Variants in CSMD1 observed in about 807,000 individuals in gnomAD.
CSMD1 encodes CUB and sushi domain-containing protein 1.
CSMD1 carries 213 observed loss-of-function variants against 417.5 expected under a neutral mutation model. The observed-to-expected ratio is 0.51, with a 90% CI of 0.46 to 0.57. The LOEUF (loss-of-function observed/expected upper bound fraction) is 0.57, where lower values mean the gene tolerates loss of function less well. CSMD1 is among the 20% of genes least tolerant of loss of function. The probability of loss-of-function intolerance (pLI) is 0.00; values close to 1 mark genes in which losing one functional copy is unlikely to be tolerated. For synonymous variants in CSMD1, 2,862 were observed against 1,736.8 expected (o/e 1.65, Z -16.11); for missense variants, 6,923 against 4,529.7 (o/e 1.53, Z -15.17).
chr8:3,701,870 C>G (rs889272754), intron 7 of CSMD1, among the ~76,000 whole-genome samples: 2 of 152,120 alleles, frequency 1.3e-5, no homozygotes, highest in African/African-American at 4.8e-5. Context: ...GAGATGGAAC[C>G]ACTGTGTGTC....
intron 2 of CSMD1, among the ~76,000 whole-genome samples, chr8:4,629,997 C>T (rs1802410027): frequency 6.6e-6 from 1 of 152,034 alleles, no homozygotes; most frequent in South Asian, 2.1e-4. Context: ...TTACAAATGC[C>T]TAAAATACTT....
At chr8:4,724,123 C>G (rs1045629555) in intron 1 of CSMD1, among the ~76,000 whole-genome samples, 2 of 152,136 alleles carry the variant, frequency 1.3e-5, no homozygotes, top group Non-Finnish European at 2.9e-5. Context: ...TCCTGTAAGA[C>G]AACTAGACCT....
chr8:3,668,960 G>T (rs1798843584), intron 7 of CSMD1, among the ~76,000 whole-genome samples: 1 of 152,154 alleles, frequency 6.6e-6, no homozygotes, highest in Non-Finnish European at 1.5e-5. Context: ...AAGATGGGGA[G>T]AAATCATTGA....
chr8:4,312,450 C>CGCGTATATATATACGT (rs1563435394), intron 3 of CSMD1, among the ~76,000 whole-genome samples: 5 of 123,620 alleles, frequency 4.0e-5, no homozygotes, highest in African/African-American at 1.8e-4. Context: ...TATATATATA[C>CGCGTATATATATACGT]GTATATATAT....
chr8:4,779,288 T>A (rs911848766), intron 1 of CSMD1, among the ~76,000 whole-genome samples: 3 of 152,168 alleles, frequency 2.0e-5, no homozygotes, highest in African/African-American at 4.8e-5. Context: ...ATAGGGGTTT[T>A]ACCAAAATTT....
At chr8:4,040,532 G>C (rs1297366984) in intron 3 of CSMD1, among the ~76,000 whole-genome samples, 8 of 152,166 alleles carry the variant, frequency 5.3e-5, no homozygotes, top group African/African-American at 1.7e-4. Context: ...CATCAGAAGA[G>C]GTGATGATAA....
At chr8:4,737,049 G>A (rs534784999) in intron 1 of CSMD1, among the ~76,000 whole-genome samples, 1 of 152,180 alleles carries the variant, frequency 6.6e-6, no homozygotes, top group East Asian at 1.9e-4. Context: ...GTTTATTGCA[G>A]CATGATTCAC....
chr8:4,241,396 T>A (rs1482428818), intron 3 of CSMD1, among the ~76,000 whole-genome samples: 4 of 152,204 alleles, frequency 2.6e-5, no homozygotes, highest in African/African-American at 9.6e-5. Context: ...CCCACTTAAG[T>A]ACTTGCTAAC....
chr8:3,583,819 G>C (rs969199555), intron 9 of CSMD1, among the ~76,000 whole-genome samples: 3 of 151,960 alleles, frequency 2.0e-5, no homozygotes, highest in Non-Finnish European at 4.4e-5. Flanking sequence ...CAGAACACAA[G>C]TATTAGGTCC....
intron 46 of CSMD1, among the ~76,000 whole-genome samples, chr8:3,097,289 C>G (rs1022180879): frequency 6.6e-6 from 1 of 152,132 alleles, no homozygotes; most frequent in Non-Finnish European, 1.5e-5. Context: ...CTCCCACACA[C>G]CTTAATTTGG....
chr8:4,713,209 A>G (rs995675732), intron 1 of CSMD1, among the ~76,000 whole-genome samples: 1 of 152,240 alleles, frequency 6.6e-6, no homozygotes, highest in Non-Finnish European at 1.5e-5. Context: ...AACACTTTAG[A>G]CCAAATTAGT....
intron 5 of CSMD1, among the ~76,000 whole-genome samples, chr8:3,869,777 G>A (rs1055948888): frequency 5.9e-5 from 9 of 152,100 alleles, no homozygotes. Context: ...GGGGTTTGAT[G>A]TCAGGGAAGG....
intron 1 of CSMD1, among the ~76,000 whole-genome samples, chr8:4,905,992 T>A (rs1211469400): frequency 1.3e-5 from 2 of 152,164 alleles, no homozygotes; most frequent in African/African-American, 4.8e-5. Context: ...GCAACACCAC[T>A]TTTGGCAGGA....
At chr8:3,343,989 C>G (rs892984656) in intron 22 of CSMD1, among the ~76,000 whole-genome samples, 4 of 152,108 alleles carry the variant, frequency 2.6e-5, no homozygotes, top group Admixed American at 2.6e-4. Context: ...TTTGAAATAA[C>G]AGAAGTATCT....
At chr8:2,986,017 G>C (rs563364244) in intron 54 of CSMD1, among the ~76,000 whole-genome samples, 3 of 145,796 alleles carry the variant, frequency 2.1e-5, no homozygotes, top group African/African-American at 8.2e-5. Flanking sequence ...GAGAGAGGGA[G>C]GGAGGGAGAA....
intron 1 of CSMD1, among the ~76,000 whole-genome samples, chr8:4,725,562 A>T (rs1435681184): frequency 1.3e-5 from 2 of 152,054 alleles, no homozygotes; most frequent in Admixed American, 1.3e-4. Flanking sequence ...TAGTTTTGAG[A>T]CCTACGTGTA....
intron 3 of CSMD1, among the ~76,000 whole-genome samples, chr8:4,215,732 A>T (rs1380810314): frequency 1.3e-5 from 2 of 152,212 alleles, no homozygotes; most frequent in Admixed American, 1.3e-4. Context: ...GTGAATCTTC[A>T]TGAGTAATAC....
intron 10 of CSMD1, among the ~76,000 whole-genome samples, chr8:3,573,586 T>C (rs1800028793): frequency 6.6e-6 from 1 of 152,112 alleles, no homozygotes; most frequent in South Asian, 2.1e-4. Flanking sequence ...ATTTTAGAAC[T>C]AAAATAAGCC....
In CSMD1 at chr8:2,964,676, A is replaced by T. The variant is rs144112567; in HGVS notation, c.9280+1099T>A. The stretch of plus-strand genomic sequence containing the variant: ...GACACAACGTAGTGCATTTTCATTC[A>T]AATTCAACATTTATTTAGCGTCAGC... On this transcript the variant is annotated intron_variant, in intron 59 of 69. Transcript: ENST00000635120. Among the ~76,000 whole-genome samples the T allele has an allele frequency of 1.9e-3, 284 of 152,358 alleles. 1 individual carries two copies. Among genetic ancestry groups the T allele is most frequent in the African/African-American group, 5.9e-3 (244 of 41,588 alleles).
Sources: allele counts gnomAD v4.1 joint callset (sites outside exome capture counted in the v4.1 genomes callset), GRCh38; gene constraint gnomAD v4.1.1; transcripts MANE v1.5; gene names NCBI Gene and HGNC (gene_info 2026-07-23, HGNC 2026-07-21).